Variants in RANBP2 observed in about 807,000 individuals in gnomAD.
The protein encoded by RANBP2 is E3 SUMO-protein ligase RanBP2.
RANBP2 carries 57 observed loss-of-function variants against 303.6 expected under a neutral mutation model. The ratio of observed to expected loss-of-function variants is 0.19; its 90% CI spans 0.15 to 0.23. RANBP2 has a LOEUF of 0.23. RANBP2 is among the 10% of genes least tolerant of loss of function. The probability of loss-of-function intolerance (pLI) is 1.00; values close to 1 mark genes in which losing one functional copy is unlikely to be tolerated. For missense variants in RANBP2, 3,138 were observed against 3,780.8 expected, an observed-to-expected ratio of 0.83 and a Z score of 4.46; for synonymous variants, 1,167 against 1,301.5, an observed-to-expected ratio of 0.90 and a Z score of 2.23.
At chr2:109,226,612 G>A in the RANBP2 span, among the ~76,000 whole-genome samples, 1 of 152,064 alleles carries the variant, frequency 6.6e-6, no homozygotes, top group Admixed American at 6.6e-5. Flanking sequence ...TTCTTGAATC[G>A]CTCCCCTTTC....
chr2:108,846,069 T>C, the RANBP2 span, among the ~76,000 whole-genome samples: 1 of 152,130 alleles, frequency 6.6e-6, no homozygotes, highest in Non-Finnish European at 1.5e-5. Context: ...TAAATCAGAG[T>C]TAGCTGAAGG....
the RANBP2 span, among the ~76,000 whole-genome samples, chr2:109,447,061 T>C: frequency 6.6e-6 from 1 of 150,646 alleles, no homozygotes; most frequent in Non-Finnish European, 1.5e-5. Flanking sequence ...CGTGATTGCC[T>C]GACCTGCTCT....
chr2:109,701,007 C>T, the RANBP2 span, among the ~76,000 whole-genome samples: 2 of 152,164 alleles, frequency 1.3e-5, no homozygotes, highest in African/African-American at 4.8e-5. Context: ...GCCTCACAGC[C>T]TCTTGTGGCT....
the RANBP2 span, among the ~76,000 whole-genome samples, chr2:108,953,834 A>G: frequency 6.6e-6 from 1 of 152,224 alleles, no homozygotes; most frequent in South Asian, 2.1e-4. Context: ...TCTGCTCTTT[A>G]ACACCATTTG....
chr2:109,093,420 A>AAG, the RANBP2 span, among the ~76,000 whole-genome samples: 1 of 151,468 alleles, frequency 6.6e-6, no homozygotes, highest in Non-Finnish European at 1.5e-5. Flanking sequence ...AAAAAAAAAA[A>AAG]AAAAAGAAAG....
At chr2:108,904,344 G>A in the RANBP2 span, among the ~76,000 whole-genome samples, 8 of 152,178 alleles carry the variant, frequency 5.3e-5, no homozygotes, top group African/African-American at 1.4e-4. Flanking sequence ...AAACTAGACC[G>A]TTCCCACACT....
At chr2:109,368,337 G>C in the RANBP2 span, among the ~76,000 whole-genome samples, 1 of 152,066 alleles carries the variant, frequency 6.6e-6, no homozygotes. Flanking sequence ...ACATTCCCCA[G>C]TTCAAGATTA....
chr2:109,733,869 T>TA, the RANBP2 span, among the ~76,000 whole-genome samples: 463 of 123,234 alleles, frequency 3.8e-3, no homozygotes, highest in Middle Eastern at 0.012. Context: ...CAGATCCTGA[T>TA]AAAAAAAAAA....
chr2:109,093,044 G>A, the RANBP2 span, among the ~76,000 whole-genome samples: 1 of 152,154 alleles, frequency 6.6e-6, no homozygotes, highest in Non-Finnish European at 1.5e-5. Flanking sequence ...GACCATGTGG[G>A]GATACTTCTT....
the RANBP2 span, among the ~76,000 whole-genome samples, chr2:109,304,550 A>G: frequency 2.0e-5 from 3 of 152,196 alleles, no homozygotes; most frequent in Non-Finnish European, 2.9e-5. Flanking sequence ...TGACTGGGTA[A>G]GAGTGGTTAA....
the RANBP2 span, among the ~76,000 whole-genome samples, chr2:108,992,749 T>C: frequency 2.6e-5 from 4 of 152,254 alleles, no homozygotes; most frequent in African/African-American, 4.8e-5. Flanking sequence ...CAGTTCTGTC[T>C]ATAGTGTAGA....
At chr2:108,868,598 G>A in the RANBP2 span, among the ~76,000 whole-genome samples, 1 of 152,084 alleles carries the variant, frequency 6.6e-6, no homozygotes, top group African/African-American at 2.4e-5. Context: ...GTAGCTACAT[G>A]CTTGACACAC....
the RANBP2 span, chr2:108,930,258 G>A: frequency 6.2e-7 from 1 of 1,614,034 alleles, no homozygotes; most frequent in Non-Finnish European, 8.5e-7. Context: ...AACAAAGGGG[G>A]GTGTTGTGGC....
chr2:109,706,123 C>T, the RANBP2 span, among the ~76,000 whole-genome samples: 1 of 152,174 alleles, frequency 6.6e-6, no homozygotes. Flanking sequence ...TACCACCTCT[C>T]ACCTGGGCTA....
chr2:109,076,268 A>G, the RANBP2 span, among the ~76,000 whole-genome samples: 2 of 150,750 alleles, frequency 1.3e-5, no homozygotes, highest in African/African-American at 4.8e-5. Context: ...TAAACAAAAT[A>G]TGTATGGAAG....
the RANBP2 span, among the ~76,000 whole-genome samples, chr2:109,163,679 G>A: frequency 2.6e-5 from 4 of 152,116 alleles, no homozygotes; most frequent in African/African-American, 7.2e-5. Context: ...GATTACAGGC[G>A]TGAGCCACCG....
At chr2:109,508,174 T>C in the RANBP2 span, among the ~76,000 whole-genome samples, 131 of 152,224 alleles carry the variant, frequency 8.6e-4, 1 homozygote, top group Non-Finnish European at 1.2e-3. Flanking sequence ...CTGCTCCTTC[T>C]CCATGGGCCC....
chr2:108,811,061 C>T, the RANBP2 span, among the ~76,000 whole-genome samples: 4 of 151,028 alleles, frequency 2.6e-5, no homozygotes, highest in Non-Finnish European at 2.9e-5. Flanking sequence ...CCGATTTTTC[C>T]GATTTTATCT....
the RANBP2 span, among the ~76,000 whole-genome samples, chr2:109,477,772 C>T: frequency 3.3e-5 from 5 of 152,282 alleles, no homozygotes; most frequent in African/African-American, 7.2e-5. Flanking sequence ...GCCTTCTCAC[C>T]GTGTCCTCAC....
Sources: gnomAD v4.1 joint callset for allele counts (sites outside exome capture counted in the v4.1 genomes callset) on GRCh38, gnomAD v4.1.1 for gene constraint, MANE v1.5 for transcripts, NCBI Gene and HGNC (gene_info 2026-07-23, HGNC 2026-07-21) for gene names.